Variants in AKAP19 observed in about 807,000 individuals in gnomAD.
The protein encoded by AKAP19 is small A-kinase anchoring protein.
chr2:190,142,408 G>T, the AKAP19 span, among the ~76,000 whole-genome samples: 2 of 152,160 alleles, frequency 1.3e-5, no homozygotes, highest in Non-Finnish European at 2.9e-5. Flanking sequence ...CATGGGCCTT[G>T]CTCTCCAATA....
chr2:190,142,775 C>T, the AKAP19 span, among the ~76,000 whole-genome samples: 4 of 152,158 alleles, frequency 2.6e-5, no homozygotes, highest in African/African-American at 4.8e-5. Context: ...TTGATACCAT[C>T]GCAAGAGTGA....
the AKAP19 span, among the ~76,000 whole-genome samples, chr2:189,963,108 T>G: frequency 6.6e-6 from 1 of 152,140 alleles, no homozygotes; most frequent in Non-Finnish European, 1.5e-5. Flanking sequence ...AAGTACCCAC[T>G]TTTTTGCTCA....
the AKAP19 span, among the ~76,000 whole-genome samples, chr2:189,921,671 T>C: frequency 3.9e-5 from 6 of 152,266 alleles, no homozygotes; most frequent in East Asian, 1.2e-3. Flanking sequence ...AATGTTTCAA[T>C]AGAGAGGGAG....
chr2:189,946,761 T>G, the AKAP19 span, among the ~76,000 whole-genome samples: 1 of 152,222 alleles, frequency 6.6e-6, no homozygotes, highest in South Asian at 2.1e-4. Flanking sequence ...GTTTTTATAC[T>G]TTTTCAAATG....
chr2:189,883,020 T>C, the AKAP19 span, among the ~76,000 whole-genome samples: 1 of 152,144 alleles, frequency 6.6e-6, no homozygotes, highest in East Asian at 1.9e-4. Flanking sequence ...ACAATTCCTA[T>C]TCCTCCTTAA....
chr2:189,998,606 G>A, the AKAP19 span, among the ~76,000 whole-genome samples: 1 of 151,898 alleles, frequency 6.6e-6, no homozygotes, highest in African/African-American at 2.4e-5. Flanking sequence ...AAGAGTTAAT[G>A]TACTCTTTTG....
At chr2:190,105,179 C>T in the AKAP19 span, among the ~76,000 whole-genome samples, 3 of 152,146 alleles carry the variant, frequency 2.0e-5, no homozygotes, top group African/African-American at 4.8e-5. Context: ...CACATATACT[C>T]ATATGTTCAT....
At chr2:189,906,411 T>A in the AKAP19 span, among the ~76,000 whole-genome samples, 1 of 152,096 alleles carries the variant, frequency 6.6e-6, no homozygotes, top group South Asian at 2.1e-4. Context: ...CGTCTAGTCT[T>A]TTTGACATAT....
the AKAP19 span, among the ~76,000 whole-genome samples, chr2:189,992,930 G>A: frequency 6.6e-6 from 1 of 152,110 alleles, no homozygotes. Flanking sequence ...AATCTTTAGG[G>A]TTTTCTAGTT....
At chr2:190,036,270 A>G in the AKAP19 span, among the ~76,000 whole-genome samples, 4 of 152,106 alleles carry the variant, frequency 2.6e-5, no homozygotes, top group African/African-American at 9.7e-5. Flanking sequence ...CTTGCCAACT[A>G]TACGCTCCCC....
the AKAP19 span, among the ~76,000 whole-genome samples, chr2:190,135,605 CT>C: frequency 0.57 from 85,836 of 151,894 alleles, 24,919 homozygotes; most frequent in Middle Eastern, 0.68. Flanking sequence ...CCAGTGTTGT[CT>C]TGAGTTTGAG....
chr2:190,076,048 T>C, the AKAP19 span, among the ~76,000 whole-genome samples: 13 of 152,358 alleles, frequency 8.5e-5, no homozygotes, highest in African/African-American at 2.9e-4. Context: ...ATTGCCATCA[T>C]ACATTTTACC....
At chr2:190,193,574 T>G in the AKAP19 span, among the ~76,000 whole-genome samples, 1 of 152,190 alleles carries the variant, frequency 6.6e-6, no homozygotes, top group Non-Finnish European at 1.5e-5. Flanking sequence ...TTTCTTTAAT[T>G]GATGTAGGGC....
chr2:190,137,491 A>T, the AKAP19 span, among the ~76,000 whole-genome samples: 2 of 152,250 alleles, frequency 1.3e-5, no homozygotes, highest in African/African-American at 4.8e-5. Flanking sequence ...TGAAATATGT[A>T]GCTTTCAGAC....
chr2:190,070,195 TAGG>T, the AKAP19 span, among the ~76,000 whole-genome samples: 3 of 152,290 alleles, frequency 2.0e-5, no homozygotes, highest in Admixed American at 2.0e-4. Context: ...GCAATTAGTA[TAGG>T]AGTTTTAATG....
chr2:189,999,093 C>A, the AKAP19 span, among the ~76,000 whole-genome samples: 1 of 151,790 alleles, frequency 6.6e-6, no homozygotes, highest in Admixed American at 6.6e-5. Context: ...TTATTGACTT[C>A]TCTTCTAAGC....
At chr2:189,958,087 C>T in the AKAP19 span, among the ~76,000 whole-genome samples, 1 of 152,112 alleles carries the variant, frequency 6.6e-6, no homozygotes, top group Non-Finnish European at 1.5e-5. Context: ...AGCCATTGCG[C>T]CAAGATATTT....
At chr2:189,903,482 T>C in the AKAP19 span, among the ~76,000 whole-genome samples, 1 of 151,990 alleles carries the variant, frequency 6.6e-6, no homozygotes, top group African/African-American at 2.4e-5. Context: ...TTATTATATT[T>C]AGTTTTTGTA....
the AKAP19 span, chr2:190,180,704 C>A: frequency 1.0e-6 from 1 of 985,444 alleles, no homozygotes; most frequent in Non-Finnish European, 1.2e-6. This position sits in a 1 kb window ranked among gnomAD's most constrained non-coding sequence, Gnocchi z 6.8. Flanking sequence ...GTTCGTGGGT[C>A]GCTCCCAGAG....
Sources: gnomAD v4.1 joint callset for allele counts (sites outside exome capture counted in the v4.1 genomes callset) on GRCh38, gnomAD v4.1.1 for gene constraint, Gnocchi (gnomAD v3.1) non-coding constraint, MANE v1.5 for transcripts, NCBI Gene and HGNC (gene_info 2026-07-23, HGNC 2026-07-21) for gene names.